The following KLHL22 variants were observed in gnomAD, a reference collection of about 807,000 sequenced individuals.
The protein encoded by KLHL22 is kelch-like protein 22.
Under a neutral mutation model 60.7 loss-of-function variants are expected in KLHL22, and 18 were observed. The observed-to-expected ratio is 0.30, with a 90% CI of 0.20 to 0.44. KLHL22 has a LOEUF of 0.44. KLHL22 is among the 20% of genes least tolerant of loss of function. The probability of loss-of-function intolerance (pLI) is 1.00; values close to 1 mark genes in which losing one functional copy is unlikely to be tolerated. For synonymous variants in KLHL22, 355 were observed against 354.5 expected (o/e 1.00, Z -0.01); for missense variants, 596 against 852.3 (o/e 0.70, Z 3.74).
At chr22:20,454,045 A>AT (rs1234472143) in intron 5 of KLHL22, among the ~76,000 whole-genome samples, 1 of 152,182 alleles carries the variant, frequency 6.6e-6, no homozygotes, top group African/African-American at 2.4e-5. Context: ...ATAAAAAAAA[A>AT]TTTTAGGCTG....
At chr22:20,453,559 GTA>G (rs2053013865) in intron 5 of KLHL22, among the ~76,000 whole-genome samples, 1 of 152,092 alleles carries the variant, frequency 6.6e-6, no homozygotes, top group Non-Finnish European at 1.5e-5. Flanking sequence ...CTGTAGCTAT[GTA>G]GTAATCTTGA....
At chr22:20,483,828 G>A in intron 2 of KLHL22, 3 of 736,382 alleles carry the variant, frequency 4.1e-6, no homozygotes, top group East Asian at 2.5e-5. Context: ...GTCCAGGTAG[G>A]AGGCCAGGCG....
chr22:20,483,514 T>C (rs1434382972), intron 2 of KLHL22: 6 of 729,040 alleles, frequency 8.2e-6, no homozygotes, highest in Non-Finnish European at 1.3e-5. Context: ...TGTCTCCAGC[T>C]ACAGCTGAGG....
intron 2 of KLHL22, among the ~76,000 whole-genome samples, chr22:20,474,348 G>A (rs1000915480): frequency 6.6e-6 from 1 of 151,884 alleles, no homozygotes. Flanking sequence ...GCCCATGTAC[G>A]CAAGACTGCC....
intron 2 of KLHL22, 96 bp from the exon 3 acceptor site, chr22:20,471,611 G>C: frequency 7.4e-7 from 1 of 1,348,932 alleles, no homozygotes; most frequent in South Asian, 1.3e-5. Flanking sequence ...ACCTGGCGCT[G>C]GTGGCAGGGC....
chr22:20,465,035 G>C lies in KLHL22; in HGVS notation c.935C>G (p.Thr312Ser), dbSNP rs774765494. The change falls in exon 4 of 7, where the codon ACT becomes AGT. Residue 312 changes from threonine (T) to serine (S), a missense_variant. Transcript: ENST00000328879. The surrounding 1 kb of genome is among the most constrained non-coding windows in gnomAD (Gnocchi z 4.9). ...GFGGIHSTPS[T>S]VLSDQAKYLN... The stretch of plus-strand genomic sequence containing the variant: ...ATACTTGGCCTGGTCGCTGAGGACA[G>C]TGGACGGCGTGGAGTGAATGCCCCC... 9 of 1,611,256 alleles carry C rather than the reference G, an allele frequency of 5.6e-6. No homozygotes were observed. The Admixed American group carries it at 1.3e-4, about 24-fold the overall frequency.
In KLHL22 at chr22:20,495,161, G is replaced by A. The variant is rs1344722944; in HGVS notation, c.-34+599C>T. On this transcript the variant is annotated intron_variant, in intron 1 of 6. Coordinates refer to ENST00000328879, the MANE Select transcript of KLHL22 (RefSeq NM_032775.4). This position sits in a 1 kb window ranked among gnomAD's most constrained non-coding sequence, Gnocchi z 4.6. Reference sequence around the variant, plus strand: ...GGAAGGTGGCGGTGCCCCGCTGCCCGCCCCAGATCCACTCGGCTCGGCCCG... The same window carrying A: ...GGAAGGTGGCGGTGCCCCGCTGCCCACCCCAGATCCACTCGGCTCGGCCCG... Among the ~76,000 whole-genome samples, 1 of 152,198 alleles carries A rather than the reference G, an allele frequency of 6.6e-6. No individual in the cohort carries two copies. Among genetic ancestry groups the A allele is most frequent in the South Asian group, 2.1e-4 (1 of 4,832 alleles).
chr22:20,469,328 A>G (rs2053278676), intron 3 of KLHL22, among the ~76,000 whole-genome samples: 1 of 152,138 alleles, frequency 6.6e-6, no homozygotes, highest in Admixed American at 6.5e-5. Flanking sequence ...GGTTGAGCCC[A>G]GGGAACTGGC....
chr22:20,444,797 T>C (rs1408305805), intron 6 of KLHL22, among the ~76,000 whole-genome samples: 2 of 152,052 alleles, frequency 1.3e-5, no homozygotes, highest in East Asian at 3.9e-4. Flanking sequence ...GTTTGTTTGT[T>C]TGTTTGAGAC....
At position 20,495,151 on chromosome 22, in the gene KLHL22, C is replaced by G. The variant is rs1219146866; in HGVS notation, c.-34+609G>C. Among the ~76,000 whole-genome samples, 1 of 152,222 alleles carries G rather than the reference C, an allele frequency of 6.6e-6. No individual in the cohort carries two copies. Among genetic ancestry groups the G allele is most frequent in the East Asian group, 1.9e-4 (1 of 5,186 alleles). ...GAGCCCAGGCGGAAGGTGGCGGTGC[C>G]CCGCTGCCCGCCCCAGATCCACTCG... On this transcript the variant is annotated intron_variant, in intron 1 of 6. Transcript: ENST00000328879. This position sits in a 1 kb window ranked among gnomAD's most constrained non-coding sequence, Gnocchi z 4.6.
At chr22:20,447,967 C>T (rs2052902814) in intron 5 of KLHL22, among the ~76,000 whole-genome samples, 1 of 152,188 alleles carries the variant, frequency 6.6e-6, no homozygotes, top group Non-Finnish European at 1.5e-5. Flanking sequence ...CACTATATCA[C>T]AGGGTCACCA....
At chr22:20,464,505 A>G (rs551666381) in intron 4 of KLHL22, among the ~76,000 whole-genome samples, 94 of 152,242 alleles carry the variant, frequency 6.2e-4, no homozygotes, top group African/African-American at 2.3e-3. Context: ...CACTGCTCCT[A>G]GGTCCTCTCC....
At chr22:20,480,855 G>T (rs1256301745) in intron 2 of KLHL22, among the ~76,000 whole-genome samples, 1 of 136,194 alleles carries the variant, frequency 7.3e-6, no homozygotes, top group East Asian at 2.3e-4. Flanking sequence ...TTTTTGAGAC[G>T]GAGTCTTGCT....
At chr22:20,449,773 G>T (rs2052944492) in intron 5 of KLHL22, among the ~76,000 whole-genome samples, 1 of 152,212 alleles carries the variant, frequency 6.6e-6, no homozygotes, top group Non-Finnish European at 1.5e-5. Flanking sequence ...CAGATAGGTG[G>T]TTTGCAAATA....
rs772432702 is a variant in KLHL22 at position 20,465,098 on chromosome 22, G to A, written c.872C>T (p.Thr291Met). 5 of 1,613,890 alleles carry A rather than the reference G, an allele frequency of 3.1e-6. No individual in the cohort carries two copies. Among genetic ancestry groups the A allele is most frequent in the East Asian group, 2.2e-5 (1 of 44,874 alleles). Residue 291 changes from threonine (T) to methionine (M), a missense_variant, in exon 4 of 7, where the codon ACG becomes ATG. Coordinates refer to ENST00000328879, the MANE Select transcript of KLHL22 (RefSeq NM_032775.4). The surrounding 1 kb of genome is among the most constrained non-coding windows in gnomAD (Gnocchi z 4.9). ...GCACTGGAAGTCCGACCGCAGCTCCGTTTGCGGGCTCTGCAGGCTGGGCTG... is the reference window on the plus strand; with the variant it reads ...GCACTGGAAGTCCGACCGCAGCTCCATTTGCGGGCTCTGCAGGCTGGGCTG... ...SLQPSLQSPQ[T>M]ELRSDFQCVV...
intron 5 of KLHL22, among the ~76,000 whole-genome samples, chr22:20,447,965 C>T (rs753081930): frequency 2.6e-5 from 4 of 152,168 alleles, no homozygotes; most frequent in Admixed American, 6.5e-5. Flanking sequence ...GTCACTATAT[C>T]ACAGGGTCAC....
At chr22:20,486,599 A>G (rs2053590571) in intron 2 of KLHL22, among the ~76,000 whole-genome samples, 1 of 152,216 alleles carries the variant, frequency 6.6e-6, no homozygotes, top group Non-Finnish European at 1.5e-5. Context: ...TGGGAAAAAA[A>G]TAGTCCTTTA....
chr22:20,486,844 G>A (rs563957102), intron 2 of KLHL22, among the ~76,000 whole-genome samples: 1 of 151,904 alleles, frequency 6.6e-6, no homozygotes, highest in Admixed American at 6.6e-5. Context: ...ACCACGCCCA[G>A]CTAATTTTGT....
intron 5 of KLHL22, chr22:20,451,604 G>A (rs1156343902): frequency 1.2e-5 from 19 of 1,596,922 alleles, no homozygotes; most frequent in African/African-American, 6.7e-5. Flanking sequence ...TACAACATTC[G>A]CACTGATTCC....
Sources: gnomAD v4.1 joint callset for allele counts (sites outside exome capture counted in the v4.1 genomes callset) on GRCh38, gnomAD v4.1.1 for gene constraint, Gnocchi (gnomAD v3.1) non-coding constraint, MANE v1.5 for transcripts, NCBI Gene and HGNC (gene_info 2026-07-23, HGNC 2026-07-21) for gene names.